Variants in ZIC5 observed in about 807,000 individuals in gnomAD.
The protein encoded by ZIC5 is Zic family zinc finger 5.
A neutral mutation model predicts 28.5 loss-of-function variants in ZIC5; 20 were observed. That is an observed-to-expected ratio of 0.70 (90% CI 0.49 to 1.02). The LOEUF (loss-of-function observed/expected upper bound fraction) is 1.02, where lower values mean the gene tolerates loss of function less well. ZIC5 is among the 50% of genes least tolerant of loss of function. The pLI is 0.00. For synonymous variants in ZIC5, 488 were observed against 410.4 expected, an observed-to-expected ratio of 1.19 and a Z score of -2.29; for missense variants, 951 against 899.7, an observed-to-expected ratio of 1.06 and a Z score of -0.73.
chr13:99,970,997 A>G lies in ZIC5; in HGVS notation c.607T>C (p.Ser203Pro). The change falls in exon 1 of 2, where the codon TCC (serine) becomes CCC (proline). Residue 203 changes from serine (S) to proline (P), a missense_variant. Ser to Pro is a moderately conservative substitution (Grantham distance 74). Transcript: ENST00000267294. ...GGAGGCGGGGCCGGGTGCTGGGGGGAGCCGGTGCCGGACCGCTGCTCCCCT... is the reference window on the plus strand; with the variant it reads ...GGAGGCGGGGCCGGGTGCTGGGGGGGGCCGGTGCCGGACCGCTGCTCCCCT... ...LGGEQRSGTG[S>P]PQHPAPPPHS... The G allele has an allele frequency of 2.1e-6, 3 of 1,401,600 alleles. No individual in the cohort carries two copies. The highest frequency in any genetic ancestry group is 2.8e-6 in the Non-Finnish European group (3 of 1,090,794). The allele number at this position is 1,401,600 out of a possible 1,614,324, so 86.8% of individuals were successfully genotyped here.
In ZIC5 at chr13:99,970,581, C is replaced by T; in HGVS notation, c.1023G>A (p.Ala341=). Reference sequence around the variant, plus strand: ...GGTGCTGGTGCGGGTGCTGCGCGGGCGCCGGCGGCGGCGGCGGCGCCGGGG... The same window carrying T: ...GGTGCTGGTGCGGGTGCTGCGCGGGTGCCGGCGGCGGCGGCGGCGCCGGGG... ...APPPAPPPPP[A]PAQHPHQHHP... is the part of the protein sequence containing the mutation. The change falls in exon 1 of 2, where the codon GCG becomes GCA. Residue 341 remains alanine (A), a synonymous_variant. Transcript: ENST00000267294. 2.0e-6 allele frequency: 2 copies of T among 997,144 alleles called. No homozygotes were observed. The highest frequency in any genetic ancestry group is 2.4e-6 in the Non-Finnish European group (2 of 841,388). The allele number at this position is 997,144 out of a possible 1,614,324, so 61.8% of individuals were successfully genotyped here. A position where few individuals can be genotyped will look rare whatever the true frequency, so the allele number is the denominator to read the frequency against.
Position 99,970,894 on chromosome 13 carries a change from G to T in ZIC5, c.710C>A (p.Pro237His). 1 of 1,336,852 alleles carries T rather than the reference G, an allele frequency of 7.5e-7. No homozygotes were observed. The highest frequency in any genetic ancestry group is 4.1e-5 in the Admixed American group (1 of 24,454). The allele number at this position is 1,336,852 out of a possible 1,614,324, so 82.8% of individuals were successfully genotyped here. The change falls in exon 1 of 2, where the codon CCC (proline) becomes CAC (histidine). Residue 237 changes from proline (P) to histidine (H), a missense_variant. Pro to His is a moderately conservative substitution (Grantham distance 77). This residue lies in a region of ZIC5 where 784 missense variants were observed against 660.1 expected (regional missense o/e 1.19). Transcript: ENST00000267294. ...GGCCCCCGGCGTGTCGTGCAGCGCG[G>T]GGAAGAGCGCCGGGCCGCCGCTGCC... ...PDGSGGPALF[P>H]ALHDTPGAPG... is the part of the protein sequence containing the mutation.
At chr13:99,971,882 G>A (rs1179204076), upstream of ZIC5, 2 of 643,888 alleles carry the variant, frequency 3.1e-6, no homozygotes, top group African/African-American at 1.9e-5. Flanking sequence ...CTCCCGTTCA[G>A]GCCCTCGACC....
Position 99,970,685 on chromosome 13 carries a change from T to A in ZIC5, c.919A>T (p.Asn307Tyr). 1 of 1,196,096 alleles carries A rather than the reference T, an allele frequency of 8.4e-7. No homozygotes were observed. The highest frequency in any genetic ancestry group is 1.0e-6 in the Non-Finnish European group (1 of 955,740). 74.1% of individuals were successfully genotyped at this position (1,196,096 alleles called of 1,614,324 possible). A position where few individuals can be genotyped will look rare whatever the true frequency, so the allele number is the denominator to read the frequency against. ...GCAGCCGCCAGGTTCAGGTTTAAGT[T>A]CACGGCTCCGTAGCCGTGCAGGGCG... The part of the protein sequence containing the change: ...AAALHGYGAV[N>Y]LNLNLAAAAA... Residue 307 changes from asparagine (N) to tyrosine (Y), a missense_variant, in exon 1 of 2, where the codon AAC (asparagine) becomes TAC (tyrosine). Physicochemically the swap from Asn to Tyr is moderately radical, Grantham distance 143. Around this residue, in one of 3 missense-constraint regions of ZIC5, gnomAD observed 784 missense variants for 660.1 expected, o/e 1.19. Transcript: ENST00000267294.
In ZIC5 at chr13:99,965,349, T is replaced by C; in HGVS notation, c.*28A>G. The stretch of plus-strand genomic sequence containing the variant: ...GTGGTCCAAGGACTCCCACTTATTA[T>C]TTCACTTATTATTATTAATAATAAA... On this transcript the variant is annotated 3_prime_UTR_variant, in exon 2 of 2. Coordinates refer to ENST00000267294, the MANE Select transcript of ZIC5 (RefSeq NM_033132.5). 6.3e-7 allele frequency: 1 copy of C among 1,585,480 alleles called. No individual in the cohort carries two copies. The highest frequency in any genetic ancestry group is 2.3e-5 in the East Asian group (1 of 42,758).
chr13:99,970,664 C>A lies in ZIC5; in HGVS notation c.940G>T (p.Ala314Ser). ...CCGGCCGCTGCTGCGGCCGCCGCAG[C>A]CGCCAGGTTCAGGTTTAAGTTCACG... ...GAVNLNLNLA[A>S]AAAAAAAGPG... The change falls in exon 1 of 2, where the codon GCT (alanine) becomes TCT (serine). Residue 314 changes from alanine (A) to serine (S), a missense_variant. Physicochemically the swap from Ala to Ser is moderately conservative, Grantham distance 99. Around this residue, in one of 3 missense-constraint regions of ZIC5, gnomAD observed 784 missense variants for 660.1 expected, o/e 1.19. Transcript: ENST00000267294. 3 of 1,172,010 alleles carry A rather than the reference C, an allele frequency of 2.6e-6. No homozygotes were observed. The highest frequency in any genetic ancestry group is 4.0e-5 in the Admixed American group (1 of 25,236). The allele number at this position is 1,172,010 out of a possible 1,614,324, so 72.6% of individuals were successfully genotyped here. A position where few individuals can be genotyped will look rare whatever the true frequency, so the allele number is the denominator to read the frequency against.
At position 99,970,749 on chromosome 13, in the gene ZIC5, C is replaced by T. The variant is rs1467120721; in HGVS notation, c.855G>A (p.Gly285=). 14 of 1,190,104 alleles carry T rather than the reference C, an allele frequency of 1.2e-5. No homozygotes were observed. The highest frequency in any genetic ancestry group is 4.4e-5 in the East Asian group (1 of 22,854). The allele number at this position is 1,190,104 out of a possible 1,614,324, so 73.7% of individuals were successfully genotyped here. A position where few individuals can be genotyped will look rare whatever the true frequency, so the allele number is the denominator to read the frequency against. ...RAEPPFAPRS[G]DAHYGAVAAA... ...CCGCAACCGCCCCGTAGTGCGCGTCCCCAGAGCGCGGCGCGAAGGGCGGTT... is the reference window on the plus strand; with the variant it reads ...CCGCAACCGCCCCGTAGTGCGCGTCTCCAGAGCGCGGCGCGAAGGGCGGTT... The change falls in exon 1 of 2, where the codon GGG becomes GGA. Residue 285 remains glycine, a synonymous_variant. Coordinates refer to ENST00000267294, the MANE Select transcript of ZIC5 (RefSeq NM_033132.5).
Position 99,970,851 on chromosome 13 carries a change from G to C in ZIC5, c.753C>G (p.His251Gln). The C allele has an allele frequency of 8.0e-7, 1 of 1,255,872 alleles. No individual in the cohort carries two copies. Among genetic ancestry groups the C allele is most frequent in the Non-Finnish European group, 9.9e-7 (1 of 1,007,802 alleles). 77.8% of individuals were successfully genotyped at this position (1,255,872 alleles called of 1,614,324 possible). The change falls in exon 1 of 2, where the codon CAC becomes CAG. Residue 251 changes from histidine (H) to glutamine (Q), a missense_variant. Physicochemically the swap from His to Gln is conservative, Grantham distance 24. Coordinates refer to ENST00000267294, the MANE Select transcript of ZIC5 (RefSeq NM_033132.5). ...DTPGAPGGHP[H>Q]PLNGQMRLGL... ...CCAGGCGCATCTGGCCGTTGAGCGG[G>C]TGCGGGTGGCCGCCTGGGGCCCCCG...
chr13:99,968,393 C>T lies in ZIC5; in HGVS notation c.1477+1734G>A, dbSNP rs190169363. 2.6e-3 allele frequency among the ~76,000 whole-genome samples: 400 copies of T among 152,254 alleles called. 3 individuals are homozygous for T. Among genetic ancestry groups the T allele is most frequent in the African/African-American group, 8.8e-3 (364 of 41,564 alleles). On this transcript the variant is annotated intron_variant, in intron 1 of 1. Transcript: ENST00000267294. ...GTCCGCGAGACGCAGAGCCAAAAAC[C>T]CAAATGACCGCGGGTCCCCTCGCCG...
chr13:99,970,412 GT>G lies in ZIC5; in HGVS notation c.1191del (p.Pro398ArgfsTer21). The G allele has an allele frequency of 8.5e-7, 1 of 1,183,262 alleles. No individual in the cohort carries two copies. Among genetic ancestry groups the G allele is most frequent in the Non-Finnish European group, 1.0e-6 (1 of 961,516 alleles). The allele number at this position is 1,183,262 out of a possible 1,614,324, so 73.3% of individuals were successfully genotyped here. A position where few individuals can be genotyped will look rare whatever the true frequency, so the allele number is the denominator to read the frequency against. On this transcript the variant is annotated frameshift_variant, in exon 1 of 2. Coordinates refer to ENST00000267294, the MANE Select transcript of ZIC5 (RefSeq NM_033132.5). LOFTEE classifies it high-confidence loss of function. ...PPPPPPPPPP[P>X]PPPAGGAKPC... The stretch of plus-strand genomic sequence containing the variant: ...GGCTTGGCGCCGCCGGCCGGGGGCG[GT>G]GGCGGCGGCGGCGGCGGCGGCGGCG...
chr13:99,967,593 G>A (rs564943867), intron 1 of ZIC5, among the ~76,000 whole-genome samples: 2 of 152,306 alleles, frequency 1.3e-5, no homozygotes, highest in African/African-American at 4.8e-5. Context: ...CTACGCGAAG[G>A]TGCAATGCTG....
intron 1 of ZIC5, among the ~76,000 whole-genome samples, chr13:99,966,738 A>G (rs944489873): frequency 6.6e-6 from 1 of 152,000 alleles, no homozygotes; most frequent in African/African-American, 2.4e-5. Flanking sequence ...CACCTCCTTA[A>G]GCTGGCCTAA....
chr13:99,970,124 C>A lies in ZIC5; in HGVS notation c.1477+3G>T. On this transcript the variant is annotated splice_donor_region_variant and intron_variant, in intron 1 of 1. Transcript: ENST00000267294. ...GGCGGCGCGGCCGGGGACAGACACC[C>A]ACCTGTATGAGTACGCTTGTGGATC... is the stretch of plus-strand genomic sequence containing the variant. 1 of 1,605,744 alleles carries A rather than the reference C, an allele frequency of 6.2e-7. No individual in the cohort carries two copies. The highest frequency in any genetic ancestry group is 8.5e-7 in the Non-Finnish European group (1 of 1,177,076).
chr13:99,970,840 C>A lies in ZIC5; in HGVS notation c.764G>T (p.Gly255Val). 2.4e-6 allele frequency: 3 copies of A among 1,244,506 alleles called. No homozygotes were observed. Among genetic ancestry groups the A allele is most frequent in the South Asian group, 3.3e-5 (1 of 30,590 alleles). 77.1% of individuals were successfully genotyped at this position (1,244,506 alleles called of 1,614,324 possible). A position where few individuals can be genotyped will look rare whatever the true frequency, so the allele number is the denominator to read the frequency against. ...CGCCGCCAGCCCCAGGCGCATCTGGCCGTTGAGCGGGTGCGGGTGGCCGCC... is the reference window on the plus strand; with the variant it reads ...CGCCGCCAGCCCCAGGCGCATCTGGACGTTGAGCGGGTGCGGGTGGCCGCC... ...APGGHPHPLN[G>V]QMRLGLAAAA... Residue 255 changes from glycine to valine, a missense_variant, in exon 1 of 2, where the codon GGC becomes GTC. By Grantham distance (109) the Gly-to-Val change is moderately radical. This residue lies in a region of ZIC5 where 784 missense variants were observed against 660.1 expected (regional missense o/e 1.19). Coordinates refer to ENST00000267294, the MANE Select transcript of ZIC5 (RefSeq NM_033132.5).
In ZIC5 at chr13:99,964,488, TAA is replaced by T. The variant is rs35809370; in HGVS notation, c.*887_*888del. On this transcript the variant is annotated 3_prime_UTR_variant, in exon 2 of 2. Coordinates refer to ENST00000267294, the MANE Select transcript of ZIC5 (RefSeq NM_033132.5). ...AGGAGGCAGTATCTGAGAATTCAGA[TAA>T]AAAAAAAAAAACATATAGGAAAAAG... 5,006 of 147,806 alleles carry T rather than the reference TAA, an allele frequency of 0.034. 91 individuals are homozygous for T. The highest frequency in any genetic ancestry group is 0.05 in the South Asian group (234 of 4,658). The allele number at this position is 147,806 out of a possible 1,614,324, so 9.2% of individuals were successfully genotyped here.
At position 99,963,419 on chromosome 13, in the gene ZIC5, G is replaced by A. The variant is rs2152151310; in HGVS notation, c.*1958C>T. On this transcript the variant is annotated 3_prime_UTR_variant, in exon 2 of 2. Transcript: ENST00000267294. ...AAATGTAAAATTATCTCATATTCAA[G>A]TTTTAAGGTCTTTTTCTTTATAAAG... is the stretch of plus-strand genomic sequence containing the variant. 1 of 152,528 alleles carries A rather than the reference G, an allele frequency of 6.6e-6. No homozygotes were observed. Among genetic ancestry groups the A allele is most frequent in the African/African-American group, 2.4e-5 (1 of 41,512 alleles). The allele number at this position is 152,528 out of a possible 1,614,324, so 9.4% of individuals were successfully genotyped here. A position where few individuals can be genotyped will look rare whatever the true frequency, so the allele number is the denominator to read the frequency against.
rs150476227 is a variant in ZIC5, at chr13:99,965,740, A to G, written c.1557T>C (p.His519=). 113 of 1,614,176 alleles carry G rather than the reference A, an allele frequency of 7.0e-5. No individual in the cohort carries two copies. The African/African-American group carries it at 1.3e-3, about 19-fold the overall frequency. The change falls in exon 2 of 2, where the codon CAT becomes CAC. Residue 519 remains histidine (H), a synonymous_variant. Coordinates refer to ENST00000267294, the MANE Select transcript of ZIC5 (RefSeq NM_033132.5). ...AGTAGGGCTTGTCACTGGTGTGGAC[A>G]TGGGAATGTTTCTTCCGATCACTGC... ...ANSSDRKKHS[H]VHTSDKPYYC...
Position 99,965,603 on chromosome 13 carries a change from G to A in ZIC5, c.1694C>T (p.Ser565Leu). Reference protein sequence around the residue: ...PPPSPGPLGYSSVGTPVGAPL... With the variant: ...PPPSPGPLGYLSVGTPVGAPL... ...GGCGCCCACTGGAGTCCCCACTGAT[G>A]AGTAACCAAGGGGTCCTGGAGAAGG... The change falls in exon 2 of 2, where the codon TCA becomes TTA. Residue 565 changes from serine to leucine, a missense_variant. Physicochemically the swap from Ser to Leu is moderately radical, Grantham distance 145. Around this residue, in one of 3 missense-constraint regions of ZIC5, gnomAD observed 108 missense variants for 118.4 expected, o/e 0.91. Coordinates refer to ENST00000267294, the MANE Select transcript of ZIC5 (RefSeq NM_033132.5). The A allele has an allele frequency of 6.2e-7, 1 of 1,614,136 alleles. No individual in the cohort carries two copies. Among genetic ancestry groups the A allele is most frequent in the Non-Finnish European group, 8.5e-7 (1 of 1,180,010 alleles).
chr13:99,969,323 G>A (rs1172597310), intron 1 of ZIC5, among the ~76,000 whole-genome samples: 1 of 152,214 alleles, frequency 6.6e-6, no homozygotes, highest in Non-Finnish European at 1.5e-5. Context: ...TCTCTAGAAA[G>A]GCAGATGTCA....
Sources: allele counts gnomAD v4.1 joint callset (sites outside exome capture counted in the v4.1 genomes callset), GRCh38; gene constraint gnomAD v4.1.1; regional missense constraint gnomAD v4.1.1; transcripts MANE v1.5; gene names NCBI Gene and HGNC (gene_info 2026-07-23, HGNC 2026-07-21).